Variants in RBFOX1 observed in about 807,000 individuals in gnomAD.
The protein encoded by RBFOX1 is RNA binding protein fox-1 homolog 1.
In RBFOX1, 8 loss-of-function variants were observed where a neutral mutation model predicts 57.7. The ratio of observed to expected loss-of-function variants is 0.14; its 90% CI spans 0.08 to 0.25. The LOEUF is 0.25. Ranked by LOEUF, RBFOX1 falls within the 10% of genes least tolerant of loss-of-function variation. The pLI, the probability that RBFOX1 is intolerant of heterozygous loss-of-function variation, is 1.00. For synonymous variants in RBFOX1, 326 were observed against 222.4 expected (o/e 1.47, Z -4.15); for missense variants, 611 against 548.5 (o/e 1.11, Z -1.14).
intron 3 of RBFOX1, among the ~76,000 whole-genome samples, chr16:5,649,499 C>A (rs562541098): frequency 6.6e-6 from 1 of 152,072 alleles, no homozygotes; most frequent in African/African-American, 2.4e-5. Context: ...TGTGTTTCTA[C>A]CACCCCACAT....
intron 1 of RBFOX1, among the ~76,000 whole-genome samples, chr16:6,137,050 G>A (rs905709415): frequency 6.6e-6 from 1 of 152,066 alleles, no homozygotes; most frequent in African/African-American, 2.4e-5. Context: ...CTTCTGATCC[G>A]AGACGTTTTC....
At position 7,367,582 on chromosome 16, in the gene RBFOX1, C is replaced by G. The variant is rs528074562; in HGVS notation, c.28-150565C>G. On this transcript the variant is annotated intron_variant, in intron 4 of 15. Transcript: ENST00000550418. ...ATGGAAGAGATGGAAATCTAATCAGCTCACAATAGTCTCTAACTCCAGACT... is the reference window on the plus strand; with the variant it reads ...ATGGAAGAGATGGAAATCTAATCAGGTCACAATAGTCTCTAACTCCAGACT... Among the ~76,000 whole-genome samples, 5 of 152,306 alleles carry G rather than the reference C, an allele frequency of 3.3e-5. No homozygotes were observed. The East Asian group carries it at 7.7e-4, about 24-fold the overall frequency.
rs190579638 is a variant in RBFOX1, at chr16:5,459,313, C to T, written c.220-7903C>T. Among the ~76,000 whole-genome samples the T allele has an allele frequency of 1.3e-5, 2 of 152,346 alleles. 1 individual carries two copies. Among genetic ancestry groups the T allele is most frequent in the East Asian group, 3.9e-4 (2 of 5,174 alleles). On this transcript the variant is annotated intron_variant, in intron 1 of 2. Coordinates refer to the RBFOX1 transcript ENST00000585867. ...CATGGCAGATATAGCTCCAGCTCGC[C>T]TATTCAGATGGGTCTTCAGGCTTGA... is the stretch of plus-strand genomic sequence containing the variant.
At chr16:6,815,671 G>T (rs1228119225) in intron 3 of RBFOX1, among the ~76,000 whole-genome samples, 1 of 152,110 alleles carries the variant, frequency 6.6e-6, no homozygotes, top group Non-Finnish European at 1.5e-5. Context: ...CCAGGGCCAG[G>T]ATTCAAACCT....
chr16:6,772,328 C>A (rs1426430975), intron 3 of RBFOX1, among the ~76,000 whole-genome samples: 1 of 152,166 alleles, frequency 6.6e-6, no homozygotes, highest in African/African-American at 2.4e-5. Flanking sequence ...TGTGCTCAAA[C>A]AGTGAGCTAT....
intron 3 of RBFOX1, among the ~76,000 whole-genome samples, chr16:7,045,270 G>A (rs1250625236): frequency 6.6e-6 from 1 of 152,072 alleles, no homozygotes; most frequent in Non-Finnish European, 1.5e-5. Flanking sequence ...AATGGAACAG[G>A]TGCATGACCC....
chr16:6,672,788 T>C (rs960792100), intron 3 of RBFOX1, among the ~76,000 whole-genome samples: 1 of 152,200 alleles, frequency 6.6e-6, no homozygotes, highest in African/African-American at 2.4e-5. Context: ...ACAGTTCTGG[T>C]AGAAAGATCG....
Position 6,909,589 on chromosome 16 carries a change from C to G in RBFOX1, c.-15-142468C>G, listed in dbSNP as rs1350106992. On this transcript the variant is annotated intron_variant, in intron 3 of 15. Transcript: ENST00000550418. ...ATATTCAGGCTCAGCTACCTAGAAG[C>G]GAGGGACATGTAATCTCCCCAAGCC... 2.0e-5 allele frequency among the ~76,000 whole-genome samples: 3 copies of G among 152,170 alleles called. No homozygotes were observed. The East Asian group carries it at 5.8e-4, about 29-fold the overall frequency.
chr16:6,792,514 T>C (rs2154249629), intron 3 of RBFOX1, among the ~76,000 whole-genome samples: 1 of 152,332 alleles, frequency 6.6e-6, no homozygotes, highest in East Asian at 1.9e-4. Context: ...CCACAAATTT[T>C]ATTTCAATTT....
intron 3 of RBFOX1, among the ~76,000 whole-genome samples, chr16:5,823,670 T>G (rs901923727): frequency 3.9e-5 from 6 of 152,072 alleles, no homozygotes; most frequent in Admixed American, 3.3e-4. Context: ...AGCATTAGAT[T>G]ATCATAGGAG....
At chr16:7,106,221 A>C (rs774068208) in intron 4 of RBFOX1, among the ~76,000 whole-genome samples, 1 of 152,152 alleles carries the variant, frequency 6.6e-6, no homozygotes, top group Non-Finnish European at 1.5e-5. Context: ...CAGGTTCATA[A>C]TGACTGTGTG....
At chr16:6,775,900 G>C (rs370519094) in intron 3 of RBFOX1, 4 of 152,248 alleles carry the variant, frequency 2.6e-5, no homozygotes, top group African/African-American at 7.2e-5. Flanking sequence ...GTGCACGGCT[G>C]TGAGTGCTTC....
intron 4 of RBFOX1, among the ~76,000 whole-genome samples, chr16:7,472,626 C>G (rs1567355163): frequency 6.6e-6 from 1 of 152,192 alleles, no homozygotes; most frequent in Non-Finnish European, 1.5e-5. Context: ...TTCTTCTCCT[C>G]CGAGACTGCA....
At chr16:7,194,311 T>C (rs2086154384) in intron 4 of RBFOX1, among the ~76,000 whole-genome samples, 2 of 152,248 alleles carry the variant, frequency 1.3e-5, no homozygotes, top group Admixed American at 6.5e-5. Flanking sequence ...TAAGTGATAT[T>C]GTTATTTTAT....
intron 3 of RBFOX1, among the ~76,000 whole-genome samples, chr16:7,032,721 G>A (rs943147225): frequency 2.0e-5 from 3 of 151,812 alleles, no homozygotes; most frequent in Admixed American, 6.6e-5. Flanking sequence ...TTTTATCCTC[G>A]AATTTCACTT....
chr16:5,777,650 G>A (rs1475918526), intron 3 of RBFOX1, among the ~76,000 whole-genome samples: 3 of 152,188 alleles, frequency 2.0e-5, no homozygotes, highest in Admixed American at 6.5e-5. Flanking sequence ...AATAATGCTA[G>A]TACAACCAAA....
At chr16:6,665,920 C>T (rs191426581) in intron 3 of RBFOX1, among the ~76,000 whole-genome samples, 28 of 152,198 alleles carry the variant, frequency 1.8e-4, no homozygotes, top group Admixed American at 1.6e-3. Flanking sequence ...AATTGGAGCT[C>T]CCATAATTCC....
intron 3 of RBFOX1, among the ~76,000 whole-genome samples, chr16:6,973,362 G>A (rs894494400): frequency 6.6e-5 from 10 of 152,138 alleles, no homozygotes; most frequent in Admixed American, 5.9e-4. Context: ...ACAATGGTTG[G>A]CATTTCAGAG....
At chr16:6,453,678 T>C (rs1325843011) in intron 2 of RBFOX1, among the ~76,000 whole-genome samples, 1 of 152,048 alleles carries the variant, frequency 6.6e-6, no homozygotes, top group Non-Finnish European at 1.5e-5. Context: ...CCGTAACTCA[T>C]TTTATGGAAG....
Sources: allele counts gnomAD v4.1 joint callset (sites outside exome capture counted in the v4.1 genomes callset), GRCh38; gene constraint gnomAD v4.1.1; transcripts MANE v1.5; gene names NCBI Gene and HGNC (gene_info 2026-07-23, HGNC 2026-07-21).